The following SLC1A2 variants were observed in gnomAD, a reference collection of about 807,000 sequenced individuals.
SLC1A2 encodes the protein excitatory amino acid transporter 2.
SLC1A2 carries 15 observed loss-of-function variants against 48.8 expected under a neutral mutation model. The observed-to-expected ratio is 0.31, with a 90% confidence interval of 0.21 to 0.47. The LOEUF (loss-of-function observed/expected upper bound fraction) is 0.47, where lower values mean the gene tolerates loss of function less well. Among genes scored for constraint, SLC1A2 ranks in the 20% least tolerant of loss-of-function variants. SLC1A2 has a pLI of 0.99. For missense variants in SLC1A2, 502 were observed against 730.5 expected (o/e 0.69, Z 3.61); for synonymous variants, 279 against 272.6 (o/e 1.02, Z -0.23).
At chr11:35,286,640 T>C in intron 8 of SLC1A2, 117 bp downstream of exon 8, 2 of 690,554 alleles carry the variant, frequency 2.9e-6, no homozygotes, top group South Asian at 3.0e-5. Context: ...TCTTTTTTTA[T>C]TACCTTCATT....
Position 35,419,108 on chromosome 11 carries a change from G to T in SLC1A2, c.-142C>A. 4.6e-6 allele frequency: 3 copies of T among 658,088 alleles called. No individual in the cohort carries two copies. The highest frequency in any genetic ancestry group is 4.8e-5 in the South Asian group (2 of 42,008). The allele number at this position is 658,088 out of a possible 1,614,324, so 40.8% of individuals were successfully genotyped here. ...GCCCGCCCTTCCACCCGCCTCCGGG[G>T]TAAGCCCTTTAGCGCCTCAACGGGC... On this transcript the variant is annotated 5_prime_UTR_variant, in exon 1 of 11. Coordinates refer to ENST00000278379, the MANE Select transcript of SLC1A2 (RefSeq NM_004171.4). The surrounding 1 kb of genome is among the most constrained non-coding windows in gnomAD (Gnocchi z 5.4).
intron 1 of SLC1A2, among the ~76,000 whole-genome samples, chr11:35,403,857 C>G (rs1015186715): frequency 6.6e-6 from 1 of 152,096 alleles, no homozygotes; most frequent in Non-Finnish European, 1.5e-5. Flanking sequence ...CACAGCTGGA[C>G]AGAATCCTGA....
At chr11:35,317,539 G>A (rs764963908) in intron 1 of SLC1A2, 23 bp from the exon 2 acceptor site, 1 of 1,607,624 alleles carries the variant, frequency 6.2e-7, no homozygotes, top group Non-Finnish European at 8.5e-7. Flanking sequence ...TGAAGGCAGA[G>A]ATTAGAGAGA....
chr11:35,370,634 G>A (rs530231335), intron 1 of SLC1A2, among the ~76,000 whole-genome samples: 20 of 152,192 alleles, frequency 1.3e-4, no homozygotes, highest in African/African-American at 4.6e-4. Flanking sequence ...TTCATGAGAG[G>A]TAGAGAGCAG....
intron 4 of SLC1A2, among the ~76,000 whole-genome samples, chr11:35,311,566 C>G (rs898666274): frequency 1.3e-5 from 2 of 152,156 alleles, no homozygotes; most frequent in African/African-American, 4.8e-5. Flanking sequence ...GAAGGGGAAG[C>G]AGAAGCTTCT....
chr11:35,322,993 A>T, intron 1 of SLC1A2: 1 of 561,312 alleles, frequency 1.8e-6, no homozygotes, highest in African/African-American at 1.9e-5. Flanking sequence ...CCAAGATGTC[A>T]GTCTCTCTCT....
At chr11:35,350,976 T>TCTTAAAGAGTGAACCCATCTACCCA (rs1186704902) in intron 1 of SLC1A2, among the ~76,000 whole-genome samples, 2 of 152,220 alleles carry the variant, frequency 1.3e-5, no homozygotes, top group African/African-American at 2.4e-5. Flanking sequence ...TTAAAGATTA[T>TCTTAAAGAGTGAACCCATCTACCCA]CTTAAAGAGT....
chr11:35,396,834 A>C (rs1854977866), intron 1 of SLC1A2, among the ~76,000 whole-genome samples: 1 of 152,092 alleles, frequency 6.6e-6, no homozygotes, highest in South Asian at 2.1e-4. Flanking sequence ...GCAAAGTCTC[A>C]GGATACAAAA....
chr11:35,363,066 C>T (rs749559308), intron 1 of SLC1A2, among the ~76,000 whole-genome samples: 14 of 152,148 alleles, frequency 9.2e-5, no homozygotes, highest in Non-Finnish European at 1.8e-4. Context: ...AGCAGGTCAG[C>T]GGCAGACCCT....
rs779783896 is a variant in SLC1A2 at position 35,286,826 on chromosome 11, G to A, written c.1217C>T (p.Ala406Val). The A allele has an allele frequency of 1.1e-5, 18 of 1,613,684 alleles. No individual in the cohort carries two copies. The Admixed American group carries it at 1.2e-4, about 10-fold the overall frequency. ...TTGGGCTATAAAGATGGCGGCTACC[G>A]CTTCATAAAGGGCTGTACCATCCAT... is the stretch of plus-strand genomic sequence containing the variant. ...INMDGTALYEAVAAIFIAQMN... is the reference protein window; with the variant it reads ...INMDGTALYEVVAAIFIAQMN... The change falls in exon 8 of 11, where the codon GCG becomes GTG. Residue 406 changes from alanine to valine, a missense_variant. Ala to Val is a moderately conservative substitution (Grantham distance 64). Coordinates refer to ENST00000278379, the MANE Select transcript of SLC1A2 (RefSeq NM_004171.4).
chr11:35,270,051 G>T (rs1850235953), intron 9 of SLC1A2, among the ~76,000 whole-genome samples: 1 of 152,180 alleles, frequency 6.6e-6, no homozygotes, highest in Non-Finnish European at 1.5e-5. Flanking sequence ...AGGCTGCAGT[G>T]AGTCAAGATT....
intron 3 of SLC1A2, among the ~76,000 whole-genome samples, chr11:35,312,847 T>C (rs1038114655): frequency 8.5e-5 from 13 of 152,238 alleles, no homozygotes; most frequent in African/African-American, 3.1e-4. Context: ...TCTGCACATG[T>C]GGGACTCACA....
chr11:35,382,598 C>G lies in SLC1A2; in HGVS notation c.17+36352G>C, dbSNP rs375292017. ...ATCACTTGAGCTCAGGAGTTCAAGC[C>G]CAGCCTGGCCAACATGGTGAAACCC... is the stretch of plus-strand genomic sequence containing the variant. On this transcript the variant is annotated intron_variant, in intron 1 of 10. Transcript: ENST00000278379. Among the ~76,000 whole-genome samples, 5 of 152,178 alleles carry G rather than the reference C, an allele frequency of 3.3e-5. No individual in the cohort carries two copies. In the East Asian group the frequency reaches 7.7e-4, roughly 23 times the overall value.
chr11:35,305,129 TGATG>T (rs1851465314), intron 5 of SLC1A2, among the ~76,000 whole-genome samples: 1 of 152,184 alleles, frequency 6.6e-6, no homozygotes, highest in Non-Finnish European at 1.5e-5. Flanking sequence ...ACCATTCTAG[TGATG>T]GATGGAGGTT....
At chr11:35,312,732 C>G (rs1851746034) in intron 3 of SLC1A2, among the ~76,000 whole-genome samples, 1 of 152,258 alleles carries the variant, frequency 6.6e-6, no homozygotes, top group African/African-American at 2.4e-5. Context: ...AAATTATTTA[C>G]AATACCTAAT....
At chr11:35,346,901 G>A (rs1214796939) in intron 1 of SLC1A2, among the ~76,000 whole-genome samples, 3 of 152,322 alleles carry the variant, frequency 2.0e-5, no homozygotes, top group South Asian at 4.1e-4. Context: ...AGAAGACCTC[G>A]TGCTCACAGC....
intron 1 of SLC1A2, among the ~76,000 whole-genome samples, chr11:35,367,418 A>T (rs1853889173): frequency 6.6e-6 from 1 of 152,198 alleles, no homozygotes; most frequent in Admixed American, 6.5e-5. Flanking sequence ...CTAACACAGG[A>T]TCTGATCCTG....
At position 35,345,039 on chromosome 11, in the gene SLC1A2, G is replaced by A. The variant is rs527398479; in HGVS notation, c.18-27523C>T. Among the ~76,000 whole-genome samples, 4 of 149,282 alleles carry A rather than the reference G, an allele frequency of 2.7e-5. No individual in the cohort carries two copies. In the East Asian group the frequency reaches 8.0e-4, roughly 30 times the overall value. On this transcript the variant is annotated intron_variant, in intron 1 of 10. Transcript: ENST00000278379. ...AAATATTTTTGGTTTGTCTCTAAGT[G>A]GAGTTTTGAATGCCCCAAGAGTAAA...
chr11:35,258,148 C>G lies in SLC1A2; in HGVS notation c.*2746G>C, dbSNP rs996255121. On this transcript the variant is annotated 3_prime_UTR_variant, in exon 11 of 11. Coordinates refer to ENST00000278379, the MANE Select transcript of SLC1A2 (RefSeq NM_004171.4). ...ACATAGACATATGTCAACATGTCAA[C>G]TCTACATGCATTTTGGATTTTCAGG... 1 of 152,200 alleles carries G rather than the reference C, an allele frequency of 6.6e-6. No homozygotes were observed. Among genetic ancestry groups the G allele is most frequent in the African/African-American group, 2.4e-5 (1 of 41,440 alleles). 9.4% of individuals were successfully genotyped at this position (152,200 alleles called of 1,614,324 possible).
Sources: allele counts gnomAD v4.1 joint callset (sites outside exome capture counted in the v4.1 genomes callset), GRCh38; gene constraint gnomAD v4.1.1; non-coding constraint Gnocchi (gnomAD v3.1); transcripts MANE v1.5; gene names NCBI Gene and HGNC (gene_info 2026-07-23, HGNC 2026-07-21).